The following KCNJ15 variants were observed in gnomAD, a reference collection of about 807,000 sequenced individuals.
The protein encoded by KCNJ15 is ATP-sensitive inward rectifier potassium channel 15.
In KCNJ15, 14 loss-of-function variants were observed where a neutral mutation model predicts 23.0. That is an observed-to-expected ratio of 0.61 (90% CI 0.40 to 0.95). The LOEUF (loss-of-function observed/expected upper bound fraction) is 0.95, where lower values mean the gene tolerates loss of function less well. Among genes scored for constraint, KCNJ15 ranks in the 40% least tolerant of loss-of-function variants. KCNJ15 has a pLI of 0.00. For synonymous variants in KCNJ15, 185 were observed against 183.2 expected, an observed-to-expected ratio of 1.01 and a Z score of -0.08; for missense variants, 388 against 461.8, an observed-to-expected ratio of 0.84 and a Z score of 1.46.
At chr21:38,252,736 G>T (rs1979922487), upstream of KCNJ15, among the ~76,000 whole-genome samples, 1 of 152,114 alleles carries the variant, frequency 6.6e-6, no homozygotes, top group Non-Finnish European at 1.5e-5. Context: ...AATGATTAGG[G>T]GTAGTAATAG....
intron 1 of KCNJ15, among the ~76,000 whole-genome samples, chr21:38,263,338 C>T (rs1981123811): frequency 6.6e-6 from 1 of 152,154 alleles, no homozygotes; most frequent in Admixed American, 6.5e-5. Flanking sequence ...GACAGCAAAG[C>T]ACTGTCTATC....
intron 1 of KCNJ15, among the ~76,000 whole-genome samples, chr21:38,274,129 C>A (rs1445050610): frequency 6.6e-6 from 1 of 152,234 alleles, no homozygotes; most frequent in East Asian, 1.9e-4. Context: ...CTTCCATATG[C>A]AGCAGTGCTT....
At chr21:38,245,174 T>A (rs1459517229) in intron 1 of KCNJ15, among the ~76,000 whole-genome samples, 1 of 151,840 alleles carries the variant, frequency 6.6e-6, no homozygotes, top group African/African-American at 2.4e-5. Flanking sequence ...GAGACCTGGA[T>A]TCTACGTCGG....
chr21:38,258,764 C>A (rs1251733130), intron 1 of KCNJ15, among the ~76,000 whole-genome samples: 1 of 152,246 alleles, frequency 6.6e-6, no homozygotes, highest in Non-Finnish European at 1.5e-5. Context: ...CTTCCTCCCA[C>A]CAACAGTTGT....
intron 1 of KCNJ15, among the ~76,000 whole-genome samples, chr21:38,285,080 T>C (rs527720849): frequency 3.5e-4 from 53 of 152,314 alleles, no homozygotes; most frequent in African/African-American, 1.2e-3. Flanking sequence ...AATAAATAAA[T>C]GTTAAAGTGT....
chr21:38,296,953 G>C lies in KCNJ15; in HGVS notation c.-89G>C, dbSNP rs186898129. The C allele has an allele frequency of 6.5e-6, 1 of 152,866 alleles. No homozygotes were observed. The highest frequency in any genetic ancestry group is 6.5e-5 in the Admixed American group (1 of 15,286). The allele number at this position is 152,866 out of a possible 1,614,324, so 9.5% of individuals were successfully genotyped here. ...AGTAGCAGAATCCCATGGTAGCCAG[G>C]TGGGTGAAGGGGAGCGAGGACGTTC... On this transcript the variant is annotated 5_prime_UTR_variant, in exon 2 of 3. Coordinates refer to ENST00000398938, the MANE Select transcript of KCNJ15 (RefSeq NM_170736.3).
At position 38,257,181 on chromosome 21, in the gene KCNJ15, T is replaced by C. The variant is rs1235088773; in HGVS notation, c.-121T>C. 6.6e-6 allele frequency: 1 copy of C among 152,290 alleles called. No individual in the cohort carries two copies. Among genetic ancestry groups the C allele is most frequent in the Non-Finnish European group, 1.5e-5 (1 of 68,042 alleles). 9.4% of individuals were successfully genotyped at this position (152,290 alleles called of 1,614,324 possible). A position where few individuals can be genotyped will look rare whatever the true frequency, so the allele number is the denominator to read the frequency against. On this transcript the variant is annotated 5_prime_UTR_variant, in exon 1 of 3. Coordinates refer to ENST00000398938, the MANE Select transcript of KCNJ15 (RefSeq NM_170736.3). ...CCAGGAGTCTGCACTCTTCAGTCTT[T>C]GCAGGTAAGAGGTACACGGCGCTTA...
upstream of KCNJ15, among the ~76,000 whole-genome samples, chr21:38,252,150 C>G (rs1601145277): frequency 6.6e-6 from 1 of 152,314 alleles, no homozygotes; most frequent in East Asian, 1.9e-4. Context: ...AGTTACATTG[C>G]TAAACTGTCC....
rs568616533 is a variant in KCNJ15, at chr21:38,247,929, C to T, written c.-398-9117C>T. 3.3e-5 allele frequency among the ~76,000 whole-genome samples: 5 copies of T among 152,284 alleles called. No individual in the cohort carries two copies. The East Asian group carries it at 5.8e-4, about 18-fold the overall frequency. ...CAAACACTAGAAAGCACCTTGCTGG[C>T]GTGGGCTTCCTGTTAACTAAACTAA... On this transcript the variant is annotated intron_variant, in intron 1 of 4. Coordinates refer to the KCNJ15 transcript ENST00000547341.
intron 1 of KCNJ15, among the ~76,000 whole-genome samples, chr21:38,271,447 A>G (rs941368348): frequency 6.6e-6 from 1 of 152,212 alleles, no homozygotes; most frequent in African/African-American, 2.4e-5. Context: ...CAACATAATT[A>G]AACTGGTTTA....
chr21:38,280,106 C>G (rs867694593), intron 1 of KCNJ15, among the ~76,000 whole-genome samples: 3 of 152,284 alleles, frequency 2.0e-5, no homozygotes, highest in Non-Finnish European at 2.9e-5. Flanking sequence ...GGTTGGAAGA[C>G]TGAGTCCTGG....
intron 1 of KCNJ15, among the ~76,000 whole-genome samples, chr21:38,278,895 C>A (rs1378037166): frequency 6.6e-6 from 1 of 152,134 alleles, no homozygotes; most frequent in African/African-American, 2.4e-5. Flanking sequence ...AATGGGGCCA[C>A]TAAGCTGGGC....
chr21:38,292,189 T>A (rs1348033965), intron 1 of KCNJ15, among the ~76,000 whole-genome samples: 1 of 152,206 alleles, frequency 6.6e-6, no homozygotes, highest in African/African-American at 2.4e-5. Flanking sequence ...GCATGTAAAT[T>A]ATTTAATTTC....
chr21:38,246,153 C>T (rs1979359483), intron 1 of KCNJ15, among the ~76,000 whole-genome samples: 1 of 152,112 alleles, frequency 6.6e-6, no homozygotes, highest in African/African-American at 2.4e-5. Context: ...ATTCCTGATC[C>T]ACAGCAAACC....
At chr21:38,244,496 G>A (rs1296342459) in intron 1 of KCNJ15, among the ~76,000 whole-genome samples, 6 of 152,126 alleles carry the variant, frequency 3.9e-5, no homozygotes, top group Admixed American at 1.3e-4. Flanking sequence ...ACTAACTTCC[G>A]CATCTCCTGG....
In KCNJ15 at chr21:38,305,792, A is replaced by G. The variant is rs143704557; in HGVS notation, c.*5403A>G. ...TACAAAGAGTGTTCACATAATCCCA[A>G]ACTATGCCCATTTCTACAAGAGAAA... is the stretch of plus-strand genomic sequence containing the variant. On this transcript the variant is annotated 3_prime_UTR_variant, in exon 3 of 3. Coordinates refer to ENST00000398938, the MANE Select transcript of KCNJ15 (RefSeq NM_170736.3). 12 of 152,292 alleles carry G rather than the reference A, an allele frequency of 7.9e-5. No individual in the cohort carries two copies. The East Asian group carries it at 2.3e-3, about 29-fold the overall frequency. 9.4% of individuals were successfully genotyped at this position (152,292 alleles called of 1,614,324 possible). A position where few individuals can be genotyped will look rare whatever the true frequency, so the allele number is the denominator to read the frequency against.
chr21:38,236,739 G>T (rs62223527), intron 1 of KCNJ15, among the ~76,000 whole-genome samples: 2,771 of 152,242 alleles, frequency 0.018, 36 homozygotes, highest in Middle Eastern at 0.058. Flanking sequence ...AGCTACAGGG[G>T]CCCTCCACTG....
intron 1 of KCNJ15, among the ~76,000 whole-genome samples, chr21:38,240,873 T>A (rs1331800798): frequency 6.6e-6 from 1 of 152,208 alleles, no homozygotes; most frequent in African/African-American, 2.4e-5. Context: ...GAAATGCACA[T>A]CTCGCATTCA....
At chr21:38,266,469 TA>T (rs1282548957) in intron 1 of KCNJ15, among the ~76,000 whole-genome samples, 1 of 152,168 alleles carries the variant, frequency 6.6e-6, no homozygotes, top group Non-Finnish European at 1.5e-5. Context: ...GACATGAACT[TA>T]TTTTTTTTAT....
Sources: allele counts gnomAD v4.1 joint callset (sites outside exome capture counted in the v4.1 genomes callset), GRCh38; gene constraint gnomAD v4.1.1; transcripts MANE v1.5; gene names NCBI Gene and HGNC (gene_info 2026-07-23, HGNC 2026-07-21).